Variants in NCOA1 observed in about 807,000 individuals in gnomAD.
The protein encoded by NCOA1 is nuclear receptor coactivator 1.
NCOA1 carries 35 observed loss-of-function variants against 150.9 expected under a neutral mutation model. The ratio of observed to expected loss-of-function variants is 0.23; its 90% CI spans 0.18 to 0.31. NCOA1 has a LOEUF of 0.31. Ranked by LOEUF, NCOA1 falls within the 10% of genes least tolerant of loss-of-function variation. NCOA1 has a pLI of 1.00. For synonymous variants in NCOA1, 590 were observed against 630.0 expected, an observed-to-expected ratio of 0.94 and a Z score of 0.95; for missense variants, 1,491 against 1,749.3, an observed-to-expected ratio of 0.85 and a Z score of 2.63.
In NCOA1 at chr2:24,706,680, T is replaced by C. The variant is rs1572620152; in HGVS notation, c.1210T>C (p.Ser404Pro). 6.2e-7 allele frequency: 1 copy of C among 1,614,112 alleles called. No homozygotes were observed. Residue 404 changes from serine (S) to proline (P), a missense_variant, in exon 13 of 23, where the codon TCC (serine) becomes CCC (proline). By Grantham distance (74) the Ser-to-Pro change is moderately conservative (BLOSUM62 -1). Coordinates refer to ENST00000348332, the MANE Select transcript of NCOA1 (RefSeq NM_003743.5). ...TCCAGCTCATGGTGTGGCTCGTTCA[T>C]CCACATTGCCACCATCCAACAGCAA... ...ISPAHGVARS[S>P]TLPPSNSNMV...
chr2:24,565,905 C>T (rs1278299764), intron 2 of NCOA1, among the ~76,000 whole-genome samples: 1 of 152,190 alleles, frequency 6.6e-6, no homozygotes, highest in Non-Finnish European at 1.5e-5. Flanking sequence ...TGCAGTGGCC[C>T]TCAGAAGCTT....
chr2:24,691,735 A>G, intron 9 of NCOA1, 75 bp downstream of exon 9: 1 of 1,486,998 alleles, frequency 6.7e-7, no homozygotes. Context: ...TTAATTATAA[A>G]CTGCCTTTTT....
At chr2:24,689,166 T>G (rs1383454289) in intron 8 of NCOA1, among the ~76,000 whole-genome samples, 1 of 152,152 alleles carries the variant, frequency 6.6e-6, no homozygotes, top group Non-Finnish European at 1.5e-5. Flanking sequence ...TGCCCCCAGC[T>G]TTGTTCTTTT....
chr2:24,639,665 G>A (rs1467897897), intron 3 of NCOA1, among the ~76,000 whole-genome samples: 1 of 151,664 alleles, frequency 6.6e-6, no homozygotes, highest in African/African-American at 2.4e-5. Flanking sequence ...GAGGCAGGTG[G>A]ATCACGAGGT....
chr2:24,645,323 C>G (rs1454640421), intron 4 of NCOA1, among the ~76,000 whole-genome samples: 1 of 142,292 alleles, frequency 7.0e-6, no homozygotes, highest in East Asian at 2.0e-4. Context: ...AACCCCGTCT[C>G]TACTAAAAAT....
chr2:24,523,002 T>C (rs1664482830), intron 1 of NCOA1, among the ~76,000 whole-genome samples: 1 of 152,208 alleles, frequency 6.6e-6, no homozygotes, highest in Admixed American at 6.5e-5. Context: ...TTATCTTATA[T>C]CAGGCATTAT....
At position 24,762,915 on chromosome 2, in the gene NCOA1, G is replaced by A. The variant is rs142916988; in HGVS notation, c.4155+139G>A. 7.2e-4 allele frequency: 514 copies of A among 716,938 alleles called. 2 individuals carry two copies. The highest frequency in any genetic ancestry group is 3.4e-3 in the Middle Eastern group (13 of 3,816). The allele number at this position is 716,938 out of a possible 1,614,324, so 44.4% of individuals were successfully genotyped here. A position where few individuals can be genotyped will look rare whatever the true frequency, so the allele number is the denominator to read the frequency against. ...TGGCTCTGCTCTTCTTAGCTGTGTC[G>A]TCCTGGGCATGTTATGGAGCTTTCC... On this transcript the variant is annotated intron_variant, in intron 22 of 22. Coordinates refer to ENST00000348332, the MANE Select transcript of NCOA1 (RefSeq NM_003743.5).
At chr2:24,576,170 G>GTTTTTGTTTTTTTTTTTTTTTTTTT (rs1666967476) in intron 2 of NCOA1, among the ~76,000 whole-genome samples, 13 of 46,300 alleles carry the variant, frequency 2.8e-4, no homozygotes, top group African/African-American at 7.6e-4. Context: ...TTTGTTTTTT[G>GTTTTTGTTTTTTTTTTTTTTTTTTT]TTTTTTTTTT....
rs1235605254 is a variant in NCOA1 at position 24,504,977 on chromosome 2, CT to C, written c.-396+13378del. The stretch of plus-strand genomic sequence containing the variant: ...CCTGTTTTCTCCATTTTTTGTTTGC[CT>C]TTCTAATGCTTGGTTTGTTAAGGAC... On this transcript the variant is annotated intron_variant, in intron 1 of 22. Transcript: ENST00000348332. Among the ~76,000 whole-genome samples, 8 of 151,894 alleles carry C rather than the reference CT, an allele frequency of 5.3e-5. No homozygotes were observed. In the East Asian group the frequency reaches 1.6e-3, roughly 30 times the overall value.
chr2:24,714,821 A>C (rs1673935728), intron 14 of NCOA1, among the ~76,000 whole-genome samples: 1 of 152,088 alleles, frequency 6.6e-6, no homozygotes, highest in Non-Finnish European at 1.5e-5. Flanking sequence ...GAAATTTGTA[A>C]ACCTACAAAT....
intron 12 of NCOA1, 117 bp from the exon 13 acceptor site, chr2:24,706,446 TCTTTA>T (rs1673434753): frequency 4.4e-6 from 5 of 1,147,602 alleles, no homozygotes; most frequent in Non-Finnish European, 5.9e-6. Flanking sequence ...GTACAGAAGC[TCTTTA>T]CTTGATAGCT....
chr2:24,661,702 G>C (rs1671191122), intron 5 of NCOA1, among the ~76,000 whole-genome samples: 1 of 152,114 alleles, frequency 6.6e-6, no homozygotes. Flanking sequence ...CACTACCCTT[G>C]ACTGTTTTTA....
chr2:24,576,380 T>G (rs764458597), intron 2 of NCOA1, among the ~76,000 whole-genome samples: 4 of 152,002 alleles, frequency 2.6e-5, no homozygotes, highest in Admixed American at 6.5e-5. Flanking sequence ...CTTTGTGACC[T>G]CAACTCTTTG....
At chr2:24,583,859 TAGAG>T (rs1251140418) in intron 2 of NCOA1, among the ~76,000 whole-genome samples, 1 of 152,048 alleles carries the variant, frequency 6.6e-6, no homozygotes, top group Non-Finnish European at 1.5e-5. Context: ...CACGTATAAG[TAGAG>T]AGATAATTGT....
intron 3 of NCOA1, among the ~76,000 whole-genome samples, chr2:24,621,169 A>G (rs1669135044): frequency 6.6e-6 from 1 of 151,924 alleles, no homozygotes; most frequent in Non-Finnish European, 1.5e-5. Context: ...GAGTTCCCTT[A>G]TTCACCTGGC....
chr2:24,513,040 G>C (rs1664002573), intron 1 of NCOA1, among the ~76,000 whole-genome samples: 1 of 152,130 alleles, frequency 6.6e-6, no homozygotes, highest in Admixed American at 6.5e-5. Flanking sequence ...GTACTTCTTT[G>C]CTGGCCTTAC....
chr2:24,742,633 T>G (rs1274917258), intron 19 of NCOA1, among the ~76,000 whole-genome samples: 7 of 151,728 alleles, frequency 4.6e-5, no homozygotes, highest in African/African-American at 1.7e-4. Context: ...ATTTTTGTTT[T>G]TTTTTTTTTG....
At position 24,768,640 on chromosome 2, in the gene NCOA1, T is replaced by C. The variant is rs1665188087; in HGVS notation, c.*249T>C. The C allele has an allele frequency of 3.4e-6, 1 of 293,890 alleles. No homozygotes were observed. Among genetic ancestry groups the C allele is most frequent in the Non-Finnish European group, 6.2e-6 (1 of 161,972 alleles). The allele number at this position is 293,890 out of a possible 1,614,324, so 18.2% of individuals were successfully genotyped here. ...ATACCAAGGCAGAACAGTTGGACAATCTATTTCTTGAGCCAAATTTAATTA... is the reference window on the plus strand; with the variant it reads ...ATACCAAGGCAGAACAGTTGGACAACCTATTTCTTGAGCCAAATTTAATTA... On this transcript the variant is annotated 3_prime_UTR_variant, in exon 23 of 23. Coordinates refer to ENST00000348332, the MANE Select transcript of NCOA1 (RefSeq NM_003743.5).
At chr2:24,675,824 G>T (rs1041582636) in intron 7 of NCOA1, among the ~76,000 whole-genome samples, 2 of 152,180 alleles carry the variant, frequency 1.3e-5, no homozygotes, top group Non-Finnish European at 2.9e-5. Context: ...GGCAGAGGTT[G>T]CAGTGAGCTG....
Sources: gnomAD v4.1 joint callset for allele counts (sites outside exome capture counted in the v4.1 genomes callset) on GRCh38, gnomAD v4.1.1 for gene constraint, MANE v1.5 for transcripts, NCBI Gene and HGNC (gene_info 2026-07-23, HGNC 2026-07-21) for gene names.